Variants in MAPKBP1 observed in about 807,000 individuals in gnomAD.
The protein encoded by MAPKBP1 is mitogen-activated protein kinase binding protein 1, also known as mitogen-activated protein kinase-binding protein 1.
MAPKBP1 carries 71 observed loss-of-function variants against 170.5 expected under a neutral mutation model. The ratio of observed to expected loss-of-function variants is 0.42; its 90% CI spans 0.34 to 0.51. The LOEUF (loss-of-function observed/expected upper bound fraction) is 0.51, where lower values mean the gene tolerates loss of function less well. Among genes scored for constraint, MAPKBP1 ranks in the 20% least tolerant of loss-of-function variants. The pLI, the probability that MAPKBP1 is intolerant of heterozygous loss-of-function variation, is 0.06. For missense variants in MAPKBP1, 1,598 were observed against 1,933.0 expected (o/e 0.83, Z 3.25); for synonymous variants, 719 against 757.9 (o/e 0.95, Z 0.84).
chr15:41,820,782 C>A (rs902169909), intron 22 of MAPKBP1, 50 bp from the exon 23 acceptor site: 6 of 1,363,886 alleles, frequency 4.4e-6, no homozygotes, highest in Non-Finnish European at 6.3e-6. Flanking sequence ...ATTTGTTGAT[C>A]TTACTGTGTG....
chr15:41,776,698 G>T (rs1001568208), intron 2 of MAPKBP1, among the ~76,000 whole-genome samples: 1 of 152,160 alleles, frequency 6.6e-6, no homozygotes, highest in Non-Finnish European at 1.5e-5. Flanking sequence ...CCAATCTTTG[G>T]CCTCTTTTTC....
chr15:41,777,739 A>G (rs140642001), intron 2 of MAPKBP1, among the ~76,000 whole-genome samples: 5 of 152,352 alleles, frequency 3.3e-5, no homozygotes, highest in Admixed American at 3.3e-4. Flanking sequence ...ACTCTAGTGT[A>G]TTAAGCTCTG....
In MAPKBP1 at chr15:41,812,986, C is replaced by G. The variant is rs1227567965; in HGVS notation, c.704C>G (p.Thr235Ser). The change falls in exon 8 of 31, where the codon ACT becomes AGT. Residue 235 changes from threonine to serine, a missense_variant. Thr to Ser is a moderately conservative substitution (Grantham distance 58). Around this residue, in one of 6 missense-constraint regions of MAPKBP1, gnomAD observed 430 missense variants for 617.2 expected, o/e 0.70. Coordinates refer to ENST00000457542, the MANE Select transcript of MAPKBP1 (RefSeq NM_014994.3). ...GGAGAGCTACGGAACAACCTATTCA[C>G]TGATGTGGCCTGTGGCAGAGGAAAA... ...LLGELRNNLF[T>S]DVACGRGKKA... 1 of 1,613,970 alleles carries G rather than the reference C, an allele frequency of 6.2e-7. No homozygotes were observed. The highest frequency in any genetic ancestry group is 1.1e-5 in the South Asian group (1 of 91,066).
Position 41,817,435 on chromosome 15 carries a change from A to T in MAPKBP1, c.1759A>T (p.Ile587Phe). The T allele has an allele frequency of 6.2e-7, 1 of 1,611,542 alleles. No individual in the cohort carries two copies. The highest frequency in any genetic ancestry group is 8.5e-7 in the Non-Finnish European group (1 of 1,178,430). ...RMISCGADKS[I>F]YFRTAQKSGD... Reference sequence around the variant, plus strand: ...GATCAGCTGTGGAGCAGACAAGAGCATCTACTTCCGCACTGCGCAGAAGGT... The same window carrying T: ...GATCAGCTGTGGAGCAGACAAGAGCTTCTACTTCCGCACTGCGCAGAAGGT... The change falls in exon 15 of 31, where the codon ATC (isoleucine) becomes TTC (phenylalanine). Residue 587 changes from isoleucine (I) to phenylalanine (F), a missense_variant. This residue lies in a region of MAPKBP1 where 430 missense variants were observed against 617.2 expected (regional missense o/e 0.70). Transcript: ENST00000457542. The surrounding 1 kb of genome is among the most constrained non-coding windows in gnomAD (Gnocchi z 4.2).
intron 8 of MAPKBP1, 86 bp downstream of exon 8, chr15:41,813,187 G>C (rs1032682365): frequency 1.3e-6 from 2 of 1,533,494 alleles, no homozygotes; most frequent in African/African-American, 2.7e-5. Flanking sequence ...ACTAGGGGCT[G>C]GTCCCTTGTG....
At position 41,817,816 on chromosome 15, in the gene MAPKBP1, C is replaced by G. The variant is rs1226844827; in HGVS notation, c.1904+81C>G. ...GCTCTGTGCAGCTAAGTTCCCACAT[C>G]TGTCGTTCTGTACAGGACTTTGTAC... On this transcript the variant is annotated intron_variant, in intron 16 of 30. Transcript: ENST00000457542. The surrounding 1 kb of genome is among the most constrained non-coding windows in gnomAD (Gnocchi z 4.2). The G allele has an allele frequency of 6.3e-7, 1 of 1,587,592 alleles. No individual in the cohort carries two copies. Among genetic ancestry groups the G allele is most frequent in the African/African-American group, 1.3e-5 (1 of 74,358 alleles).
At chr15:41,800,086 C>T (rs1430830932) in intron 3 of MAPKBP1, among the ~76,000 whole-genome samples, 172 bp downstream of exon 3, 1 of 152,144 alleles carries the variant, frequency 6.6e-6, no homozygotes, top group Non-Finnish European at 1.5e-5. Flanking sequence ...TTGTCGGGTG[C>T]TGTCATTGTT....
intron 2 of MAPKBP1, among the ~76,000 whole-genome samples, chr15:41,793,505 A>G (rs1226785214): frequency 1.3e-5 from 2 of 152,222 alleles, no homozygotes; most frequent in African/African-American, 2.4e-5. Flanking sequence ...AAAGAATGTT[A>G]ATATGTAATG....
intron 3 of MAPKBP1, among the ~76,000 whole-genome samples, chr15:41,808,105 C>CTTTTTTTTT (rs544983500): frequency 4.4e-4 from 48 of 109,450 alleles, no homozygotes; most frequent in East Asian, 1.8e-3. Context: ...TTCTTTCTTT[C>CTTTTTTTTT]TTTTTTTTTT....
intron 3 of MAPKBP1, among the ~76,000 whole-genome samples, chr15:41,805,727 G>A (rs376029580): frequency 1.4e-4 from 22 of 152,166 alleles, no homozygotes; most frequent in Non-Finnish European, 2.4e-4. Context: ...CTGTGTTCTC[G>A]TGACACCTGA....
At position 41,821,031 on chromosome 15, in the gene MAPKBP1, A is replaced by G; in HGVS notation, c.2681A>G (p.His894Arg). 3 of 1,614,182 alleles carry G rather than the reference A, an allele frequency of 1.9e-6. No individual in the cohort carries two copies. In the South Asian group the frequency reaches 3.3e-5, roughly 18 times the overall value. Residue 894 changes from histidine to arginine, a missense_variant, in exon 23 of 31, where the codon CAT becomes CGT. Transcript: ENST00000457542. ...ATCATCCCATCTGGTCCCAGGAAGC[A>G]TGGGCAGGAGGCCCTTGAGACTTCA... The part of the protein sequence containing the change: ...LAIIPSGPRK[H>R]GQEALETSLT...
In MAPKBP1 at chr15:41,824,549, G is replaced by T. The variant is rs1304443885; in HGVS notation, c.4279G>T (p.Ala1427Ser). 4 of 1,600,250 alleles carry T rather than the reference G, an allele frequency of 2.5e-6. No homozygotes were observed. The highest frequency in any genetic ancestry group is 3.4e-6 in the Non-Finnish European group (4 of 1,174,898). ...VAELRGSVRQ[A>S]VRLYHSVAGC... is the part of the protein sequence containing the mutation. Reference sequence around the variant, plus strand: ...AGAGCTCCGCGGCAGCGTGCGCCAGGCAGTGCGGCTCTACCACTCGGTGGG... The same window carrying T: ...AGAGCTCCGCGGCAGCGTGCGCCAGTCAGTGCGGCTCTACCACTCGGTGGG... Residue 1427 changes from alanine (A) to serine (S), a missense_variant, in exon 30 of 31, where the codon GCA (alanine) becomes TCA (serine). Coordinates refer to ENST00000457542, the MANE Select transcript of MAPKBP1 (RefSeq NM_014994.3).
chr15:41,814,560 T>C lies in MAPKBP1; in HGVS notation c.991T>C (p.Ser331Pro), dbSNP rs746689505. 1.2e-6 allele frequency: 2 copies of C among 1,614,192 alleles called. No individual in the cohort carries two copies. Among genetic ancestry groups the C allele is most frequent in the Non-Finnish European group, 1.7e-6 (2 of 1,179,992 alleles). ...ASVTEASRLF[S>P]GVANARYPDT... Reference sequence around the variant, plus strand: ...GTCCTCTCCCTACAGTCGCCTCTTCTCTGGAGTGGCGAATGCCAGGTATCC... The same window carrying C: ...GTCCTCTCCCTACAGTCGCCTCTTCCCTGGAGTGGCGAATGCCAGGTATCC... Residue 331 changes from serine (S) to proline (P), a missense_variant, in exon 10 of 31, where the codon TCT (serine) becomes CCT (proline). Coordinates refer to ENST00000457542, the MANE Select transcript of MAPKBP1 (RefSeq NM_014994.3).
At chr15:41,789,073 A>T (rs114148148) in intron 2 of MAPKBP1, among the ~76,000 whole-genome samples, 90 of 151,948 alleles carry the variant, frequency 5.9e-4, no homozygotes, top group Middle Eastern at 3.4e-3. Context: ...AGCCCTCCAC[A>T]CTCCCCTTTT....
chr15:41,824,754 G>A (rs535555113), intron 30 of MAPKBP1, among the ~76,000 whole-genome samples, 185 bp downstream of exon 30: 72 of 152,314 alleles, frequency 4.7e-4, no homozygotes, highest in Admixed American at 3.1e-3. Flanking sequence ...GGGCACCTGC[G>A]GTCATTTCTG....
rs758625980 is a variant in MAPKBP1 at position 41,819,265 on chromosome 15, C to G, written c.2311C>G (p.Leu771Val). ...GPNRHQAPSM[L>V]SPGPALSSDS... ...ACTCAGGCACCAGGCCCCATCAATG[C>G]TGTCTCCTGGACCGGCTCTCTCATC... The change falls in exon 21 of 31, where the codon CTG becomes GTG. Residue 771 changes from leucine to valine, a missense_variant. By Grantham distance (32) the Leu-to-Val change is conservative. Around this residue, in one of 6 missense-constraint regions of MAPKBP1, gnomAD observed 942 missense variants for 953.2 expected, o/e 0.99. Coordinates refer to ENST00000457542, the MANE Select transcript of MAPKBP1 (RefSeq NM_014994.3). The G allele has an allele frequency of 6.8e-6, 11 of 1,614,138 alleles. No individual in the cohort carries two copies. The highest frequency in any genetic ancestry group is 9.3e-6 in the Non-Finnish European group (11 of 1,180,024).
rs748376006 is a variant in MAPKBP1, at chr15:41,818,345, G to A, written c.2092+40G>A. On this transcript the variant is annotated intron_variant, in intron 18 of 30. Transcript: ENST00000457542. This position sits in a 1 kb window ranked among gnomAD's most constrained non-coding sequence, Gnocchi z 5.2. ...AATCCCCGAGTAGAAGCTGATACCT[G>A]CGTAAACCTGAGTGAGTTCCACCCC... The A allele has an allele frequency of 1.3e-6, 2 of 1,549,474 alleles. No homozygotes were observed. Among genetic ancestry groups the A allele is most frequent in the Admixed American group, 3.3e-5 (2 of 59,850 alleles).
chr15:41,783,485 G>A (rs2064224912), intron 2 of MAPKBP1, among the ~76,000 whole-genome samples: 1 of 152,188 alleles, frequency 6.6e-6, no homozygotes. Flanking sequence ...GCTCCAGGTT[G>A]CAAAGTTCTT....
chr15:41,809,513 G>A (rs2064766551), intron 3 of MAPKBP1, among the ~76,000 whole-genome samples: 1 of 152,348 alleles, frequency 6.6e-6, no homozygotes, highest in Admixed American at 6.5e-5. Flanking sequence ...TATGGGGGCT[G>A]CAGTGGGGTC....
Sources: allele counts gnomAD v4.1 joint callset (sites outside exome capture counted in the v4.1 genomes callset), GRCh38; gene constraint gnomAD v4.1.1; regional missense constraint gnomAD v4.1.1; non-coding constraint Gnocchi (gnomAD v3.1); transcripts MANE v1.5; gene names NCBI Gene and HGNC (gene_info 2026-07-23, HGNC 2026-07-21).